NTM: variants seen among roughly 807,000 people sequenced by gnomAD.
NTM encodes IgLON family member 2.
Under a neutral mutation model 42.1 loss-of-function variants are expected in NTM, and 13 were observed. The ratio of observed to expected loss-of-function variants is 0.31; its 90% CI spans 0.20 to 0.49. The LOEUF (loss-of-function observed/expected upper bound fraction) is 0.49, where lower values mean the gene tolerates loss of function less well. NTM is among the 20% of genes least tolerant of loss of function. The pLI, the probability that NTM is intolerant of heterozygous loss-of-function variation, is 0.99. For missense variants in NTM, 373 were observed against 452.8 expected, an observed-to-expected ratio of 0.82 and a Z score of 1.60; for synonymous variants, 187 against 179.2, an observed-to-expected ratio of 1.04 and a Z score of -0.35.
intron 3 of NTM, among the ~76,000 whole-genome samples, chr11:132,154,708 TC>T (rs2072784355): frequency 6.6e-6 from 1 of 152,200 alleles, no homozygotes; most frequent in African/African-American, 2.4e-5. Flanking sequence ...TGAGAAGACT[TC>T]CTGTTTCTGA....
At chr11:132,248,956 C>T (rs1203614866) in intron 4 of NTM, among the ~76,000 whole-genome samples, 4 of 152,186 alleles carry the variant, frequency 2.6e-5, no homozygotes, top group Non-Finnish European at 5.9e-5. Context: ...AGGTGTCGGA[C>T]ACTGGTGTTT....
chr11:132,145,981 T>C (rs762162852), intron 2 of NTM, among the ~76,000 whole-genome samples: 2 of 152,198 alleles, frequency 1.3e-5, no homozygotes, highest in African/African-American at 2.4e-5. Context: ...GGAGAACTGG[T>C]AGTATTCGAA....
At chr11:131,994,263 T>C (rs1378463036) in intron 2 of NTM, among the ~76,000 whole-genome samples, 3 of 152,200 alleles carry the variant, frequency 2.0e-5, no homozygotes, top group African/African-American at 7.2e-5. Context: ...GGTAAACTTC[T>C]TTTGCAGTCA....
chr11:131,777,391 G>A (rs545902212), intron 1 of NTM, among the ~76,000 whole-genome samples: 15 of 151,626 alleles, frequency 9.9e-5, no homozygotes, highest in African/African-American at 3.2e-4. Context: ...AAAGTTGTGA[G>A]ATACATAAAC....
chr11:131,634,890 G>A (rs1432372549), intron 1 of NTM, among the ~76,000 whole-genome samples: 3 of 152,168 alleles, frequency 2.0e-5, no homozygotes, highest in African/African-American at 7.2e-5. Context: ...ACACCTTGTA[G>A]GAGTTAGATT....
chr11:132,139,723 A>G (rs192048950), intron 2 of NTM, among the ~76,000 whole-genome samples: 2 of 152,302 alleles, frequency 1.3e-5, no homozygotes, highest in African/African-American at 2.4e-5. Context: ...TGGTGGGGAC[A>G]TGCAGAGTAA....
At chr11:131,466,420 T>C (rs2136146134) in intron 1 of NTM, among the ~76,000 whole-genome samples, 1 of 152,300 alleles carries the variant, frequency 6.6e-6, no homozygotes, top group South Asian at 2.1e-4. Context: ...ACTGTAAGCA[T>C]TTAAGTAACC....
At chr11:131,401,425 G>GC (rs1945118070) in intron 1 of NTM, among the ~76,000 whole-genome samples, 2 of 152,046 alleles carry the variant, frequency 1.3e-5, no homozygotes, top group Non-Finnish European at 2.9e-5. Context: ...TATGATCTGA[G>GC]CAAGTTATTT....
At chr11:132,106,856 C>T (rs958155560) in intron 2 of NTM, among the ~76,000 whole-genome samples, 61 of 152,206 alleles carry the variant, frequency 4.0e-4, no homozygotes, top group Non-Finnish European at 1.2e-4. Flanking sequence ...CATTGAGCTG[C>T]GATGTTTAAT....
At chr11:132,088,620 C>G (rs1386750247) in intron 2 of NTM, among the ~76,000 whole-genome samples, 1 of 152,228 alleles carries the variant, frequency 6.6e-6, no homozygotes, top group Non-Finnish European at 1.5e-5. Flanking sequence ...GGCACACATT[C>G]CTGGTGGCTC....
chr11:131,806,112 A>G (rs1298107390), intron 1 of NTM, among the ~76,000 whole-genome samples: 1 of 152,226 alleles, frequency 6.6e-6, no homozygotes, highest in Non-Finnish European at 1.5e-5. Context: ...CATTGACTTG[A>G]CAACATTTTT....
intron 3 of NTM, among the ~76,000 whole-genome samples, chr11:132,204,848 T>G (rs2081718678): frequency 6.6e-6 from 1 of 152,186 alleles, no homozygotes; most frequent in Non-Finnish European, 1.5e-5. Flanking sequence ...ACCACTCAAC[T>G]GTGCCTAGGC....
intron 1 of NTM, among the ~76,000 whole-genome samples, chr11:131,446,854 G>A (rs1281068387): frequency 6.6e-6 from 1 of 152,190 alleles, no homozygotes; most frequent in Non-Finnish European, 1.5e-5. Flanking sequence ...GTATTTCTAG[G>A]ACACATGTCA....
At chr11:132,259,762 TTTG>T (rs2092730873) in intron 4 of NTM, among the ~76,000 whole-genome samples, 1 of 151,936 alleles carries the variant, frequency 6.6e-6, no homozygotes, top group South Asian at 2.1e-4. Context: ...TGTTTGTTTG[TTTG>T]TTGAGACGGA....
At chr11:132,092,214 C>G (rs1205811159) in intron 2 of NTM, among the ~76,000 whole-genome samples, 1 of 152,204 alleles carries the variant, frequency 6.6e-6, no homozygotes, top group Admixed American at 6.5e-5. Context: ...TCATTGATTT[C>G]TTGTCCAAAT....
At chr11:131,436,507 A>G (rs986139822) in intron 1 of NTM, among the ~76,000 whole-genome samples, 2 of 152,124 alleles carry the variant, frequency 1.3e-5, no homozygotes, top group South Asian at 2.1e-4. Context: ...CTGGTTTAGT[A>G]TTGGGAGGGT....
intron 3 of NTM, among the ~76,000 whole-genome samples, chr11:132,150,522 G>A (rs1027200183): frequency 6.6e-6 from 1 of 152,190 alleles, no homozygotes; most frequent in Non-Finnish European, 1.5e-5. Context: ...GAAGGGCTAG[G>A]TATATTGTGG....
chr11:131,598,687 C>CTT lies in NTM; in HGVS notation c.82+227801_82+227802dup, dbSNP rs1369795098. ...CTACTACTCTCTTCTCATTTGTTTT[C>CTT]TTTCTTTCTTTCTTTCTTTCTTTCT... On this transcript the variant is annotated intron_variant, in intron 1 of 8. Coordinates refer to ENST00000683400, the MANE Select transcript of NTM (RefSeq NM_001352005.2). Among the ~76,000 whole-genome samples the CTT allele has an allele frequency of 3.3e-3, 69 of 21,220 alleles. 5 individuals are homozygous for CTT. The highest frequency in any genetic ancestry group is 7.0e-3 in the African/African-American group (60 of 8,554). 13.9% of individuals were successfully genotyped at this position (21,220 alleles called of 152,430 possible). A position where few individuals can be genotyped will look rare whatever the true frequency, so the allele number is the denominator to read the frequency against.
chr11:131,467,821 C>A (rs1484904481), intron 1 of NTM, among the ~76,000 whole-genome samples: 3 of 152,154 alleles, frequency 2.0e-5, no homozygotes, highest in Non-Finnish European at 4.4e-5. Flanking sequence ...GATTGAATGA[C>A]CTGGGAAGTT....
Sources: gnomAD v4.1 joint callset for allele counts (sites outside exome capture counted in the v4.1 genomes callset) on GRCh38, gnomAD v4.1.1 for gene constraint, MANE v1.5 for transcripts, NCBI Gene and HGNC (gene_info 2026-07-23, HGNC 2026-07-21) for gene names.